The following SLC10A7 variants were observed in gnomAD, a reference collection of about 807,000 sequenced individuals.
The protein encoded by SLC10A7 is solute carrier family 10 member 7, also known as sodium/bile acid cotransporter 7.
SLC10A7 carries 29 observed loss-of-function variants against 43.2 expected under a neutral mutation model. The observed-to-expected ratio is 0.67, with a 90% CI of 0.50 to 0.92. SLC10A7 has a LOEUF of 0.92. SLC10A7 is among the 40% of genes least tolerant of loss of function. SLC10A7 has a pLI of 0.00. For synonymous variants in SLC10A7, 152 were observed against 144.8 expected (o/e 1.05, Z -0.35); for missense variants, 295 against 403.2 (o/e 0.73, Z 2.30).
chr4:146,419,359 A>C (rs1435171568), intron 5 of SLC10A7, among the ~76,000 whole-genome samples: 1 of 152,174 alleles, frequency 6.6e-6, no homozygotes, highest in Non-Finnish European at 1.5e-5. Context: ...GATTCCAGGG[A>C]TTTTAGGAGC....
intron 5 of SLC10A7, among the ~76,000 whole-genome samples, chr4:146,360,879 G>C (rs1483982052): frequency 6.6e-6 from 1 of 152,108 alleles, no homozygotes; most frequent in Non-Finnish European, 1.5e-5. Flanking sequence ...GAGCTTAGGA[G>C]TCAACAAATA....
In SLC10A7 at chr4:146,293,958, T is replaced by A; in HGVS notation, c.693A>T (p.Lys231Asn). The A allele has an allele frequency of 6.2e-7, 1 of 1,613,158 alleles. No homozygotes were observed. The highest frequency in any genetic ancestry group is 8.5e-7 in the Non-Finnish European group (1 of 1,179,346). ...TFSNPNIDLD[K>N]FSLVLILFII... ...TGAACAGTATGAGAACAAGGCTGAA[T>A]TTATCCAGGTCAATATTTGGGTTAG... Residue 231 changes from lysine to asparagine, a missense_variant, in exon 8 of 12, where the codon AAA (lysine) becomes AAT (asparagine). By Grantham distance (94) the Lys-to-Asn change is moderately conservative. Around this residue, in one of 2 missense-constraint regions of SLC10A7, gnomAD observed 242 missense variants for 362.5 expected, o/e 0.67. Transcript: ENST00000335472.
chr4:146,263,442 G>C (rs1728359647), intron 10 of SLC10A7, among the ~76,000 whole-genome samples: 1 of 152,028 alleles, frequency 6.6e-6, no homozygotes, highest in Admixed American at 6.5e-5. Flanking sequence ...TAAAGTTATT[G>C]TGCAGACTAT....
At chr4:146,474,298 T>C (rs1275393244) in intron 4 of SLC10A7, among the ~76,000 whole-genome samples, 2 of 152,172 alleles carry the variant, frequency 1.3e-5, no homozygotes, top group African/African-American at 2.4e-5. Context: ...AACAAAATTA[T>C]ACACATCCCT....
At chr4:146,434,136 T>C (rs1460051716) in intron 5 of SLC10A7, among the ~76,000 whole-genome samples, 1 of 152,098 alleles carries the variant, frequency 6.6e-6, no homozygotes, top group Admixed American at 6.5e-5. Context: ...AATACTCACA[T>C]ACATAAAGGG....
chr4:146,434,630 C>T (rs990801402), intron 5 of SLC10A7, among the ~76,000 whole-genome samples: 4 of 152,198 alleles, frequency 2.6e-5, no homozygotes, highest in African/African-American at 9.7e-5. Context: ...GTGGCACGAT[C>T]TCTGCTCACT....
intron 4 of SLC10A7, among the ~76,000 whole-genome samples, chr4:146,471,978 A>AC (rs908810514): frequency 7.3e-5 from 11 of 151,718 alleles, no homozygotes; most frequent in South Asian, 2.1e-4. Context: ...TGTTCTCCAT[A>AC]CCCCCCCACT....
intron 7 of SLC10A7, among the ~76,000 whole-genome samples, chr4:146,305,023 C>T (rs865920728): frequency 6.6e-5 from 10 of 151,820 alleles, no homozygotes; most frequent in Middle Eastern, 3.4e-3. Flanking sequence ...GTGGCGATTC[C>T]TCGGGGATCT....
chr4:146,503,821 G>A (rs375938754), intron 4 of SLC10A7, 28 bp downstream of exon 4: 17 of 1,601,130 alleles, frequency 1.1e-5, no homozygotes, highest in African/African-American at 6.7e-5. Context: ...ATGCACTTAT[G>A]TTTAAATAAG....
intron 4 of SLC10A7, among the ~76,000 whole-genome samples, chr4:146,497,407 C>T (rs930060143): frequency 6.6e-6 from 1 of 152,152 alleles, no homozygotes; most frequent in Non-Finnish European, 1.5e-5. Context: ...TCTATTACAA[C>T]TCTTAATGCT....
intron 6 of SLC10A7, among the ~76,000 whole-genome samples, chr4:146,321,563 G>A (rs1732709128): frequency 6.6e-6 from 1 of 152,046 alleles, no homozygotes; most frequent in Non-Finnish European, 1.5e-5. Flanking sequence ...TCACAACAGG[G>A]ACATTGAGAA....
intron 5 of SLC10A7, among the ~76,000 whole-genome samples, chr4:146,436,888 T>C (rs1730258788): frequency 6.6e-6 from 1 of 152,116 alleles, no homozygotes; most frequent in South Asian, 2.1e-4. Flanking sequence ...TCTTTATTTA[T>C]AGTGTTGATG....
chr4:146,486,248 C>A (rs975585128), intron 4 of SLC10A7, among the ~76,000 whole-genome samples: 3 of 152,148 alleles, frequency 2.0e-5, no homozygotes, highest in Non-Finnish European at 4.4e-5. Context: ...TACCAATTAA[C>A]CACATTCAAC....
chr4:146,323,488 T>G (rs1002451619), intron 6 of SLC10A7, among the ~76,000 whole-genome samples: 11 of 152,224 alleles, frequency 7.2e-5, no homozygotes, highest in African/African-American at 2.7e-4. Flanking sequence ...TAGGGAAACC[T>G]TTCCCCATTT....
At chr4:146,381,894 C>A in intron 5 of SLC10A7, among the ~76,000 whole-genome samples, 1 of 151,980 alleles carries the variant, frequency 6.6e-6, no homozygotes, top group Non-Finnish European at 1.5e-5. Context: ...GCCCTAAAGT[C>A]TAAAATCTAC....
intron 5 of SLC10A7, among the ~76,000 whole-genome samples, chr4:146,374,730 A>C (rs921142621): frequency 8.6e-5 from 13 of 152,010 alleles, no homozygotes; most frequent in African/African-American, 3.1e-4. Context: ...TCCTAAAGAA[A>C]CTGTGCTAAC....
In SLC10A7 at chr4:146,393,122, G is replaced by A. The variant is rs1738560804; in HGVS notation, c.435+49661C>T. ...TGGAATGGTCACCTGAGCACAGGAGGTAGCGGTTGCAGTGAGCTGTGATCA... is the reference window on the plus strand; with the variant it reads ...TGGAATGGTCACCTGAGCACAGGAGATAGCGGTTGCAGTGAGCTGTGATCA... On this transcript the variant is annotated intron_variant, in intron 5 of 11. Transcript: ENST00000335472. Among the ~76,000 whole-genome samples, 9 of 139,666 alleles carry A rather than the reference G, an allele frequency of 6.4e-5. No homozygotes were observed. In the South Asian group the frequency reaches 2.2e-3, roughly 35 times the overall value. The allele number at this position is 139,666 out of a possible 152,430, so 91.6% of individuals were successfully genotyped here. A position where few individuals can be genotyped will look rare whatever the true frequency, so the allele number is the denominator to read the frequency against.
At chr4:146,349,993 T>A (rs1734919536) in intron 5 of SLC10A7, among the ~76,000 whole-genome samples, 2 of 151,794 alleles carry the variant, frequency 1.3e-5, no homozygotes, top group South Asian at 4.2e-4. Flanking sequence ...AAATAAAAGT[T>A]GAAATTAAAA....
At chr4:146,470,609 T>C (rs1415242997) in intron 4 of SLC10A7, among the ~76,000 whole-genome samples, 2 of 152,182 alleles carry the variant, frequency 1.3e-5, no homozygotes, top group African/African-American at 4.8e-5. Flanking sequence ...TAACACAAGG[T>C]ACTTACCTCA....
Sources: gnomAD v4.1 joint callset for allele counts (sites outside exome capture counted in the v4.1 genomes callset) on GRCh38, gnomAD v4.1.1 for gene constraint, gnomAD v4.1.1 regional missense constraint, MANE v1.5 for transcripts, NCBI Gene and HGNC (gene_info 2026-07-23, HGNC 2026-07-21) for gene names.